Variants in BMAL1 observed in about 807,000 individuals in gnomAD.
BMAL1 encodes the protein basic helix-loop-helix ARNT-like protein 1.
the BMAL1 span, among the ~76,000 whole-genome samples, chr11:13,289,051 C>T: frequency 6.6e-6 from 1 of 152,190 alleles, no homozygotes; most frequent in Non-Finnish European, 1.5e-5. Flanking sequence ...ACCATATAGC[C>T]AAAGCAAATC....
At chr11:13,358,425 G>T in the BMAL1 span, 2 of 1,537,720 alleles carry the variant, frequency 1.3e-6, no homozygotes, top group Non-Finnish European at 1.8e-6. Context: ...TTTTCATATT[G>T]TTGTTCAGGG....
the BMAL1 span, among the ~76,000 whole-genome samples, chr11:13,304,512 C>T: frequency 1.3e-5 from 2 of 152,196 alleles, no homozygotes; most frequent in African/African-American, 2.4e-5. Flanking sequence ...CCTCCATAAC[C>T]TCTTTCACTC....
the BMAL1 span, among the ~76,000 whole-genome samples, chr11:13,367,846 A>T: frequency 6.6e-6 from 1 of 152,038 alleles, no homozygotes; most frequent in South Asian, 2.1e-4. Flanking sequence ...ATGGAAGAGT[A>T]CCTATTTCTT....
the BMAL1 span, among the ~76,000 whole-genome samples, chr11:13,303,140 G>A: frequency 6.6e-6 from 1 of 152,174 alleles, no homozygotes; most frequent in Non-Finnish European, 1.5e-5. Flanking sequence ...GAGCCTTCAA[G>A]GGATAGAGTA....
chr11:13,298,978 G>A, the BMAL1 span, among the ~76,000 whole-genome samples: 83,084 of 151,980 alleles, frequency 0.55, 26,355 homozygotes, highest in Non-Finnish European at 0.7. Context: ...TGTATCTCAG[G>A]CGGTCTGCGC....
the BMAL1 span, among the ~76,000 whole-genome samples, chr11:13,367,288 C>A: frequency 6.6e-6 from 1 of 152,244 alleles, no homozygotes; most frequent in Non-Finnish European, 1.5e-5. Context: ...CCACCATCCA[C>A]ATCGCTCCCT....
the BMAL1 span, among the ~76,000 whole-genome samples, chr11:13,277,477 G>A: frequency 0.028 from 4,236 of 152,192 alleles, 80 homozygotes; most frequent in Non-Finnish European, 0.047. Context: ...CGGGGCGTGC[G>A]CTCCTGTGCG....
the BMAL1 span, among the ~76,000 whole-genome samples, chr11:13,349,789 T>C: frequency 6.6e-6 from 1 of 152,152 alleles, no homozygotes; most frequent in East Asian, 1.9e-4. Flanking sequence ...GGGTGGTGAG[T>C]GCCGGTAGAG....
At chr11:13,370,055 A>C in the BMAL1 span, among the ~76,000 whole-genome samples, 1 of 152,252 alleles carries the variant, frequency 6.6e-6, no homozygotes, top group Non-Finnish European at 1.5e-5. Flanking sequence ...TAACTGCCTT[A>C]TGAACAGCCA....
chr11:13,323,950 G>T, the BMAL1 span, among the ~76,000 whole-genome samples: 3 of 152,162 alleles, frequency 2.0e-5, no homozygotes, highest in African/African-American at 4.8e-5. Context: ...CATAATAATT[G>T]TACATATTTA....
chr11:13,284,176 ATGTGTATATATATATATGTGTG>A, the BMAL1 span, among the ~76,000 whole-genome samples: 5 of 23,272 alleles, frequency 2.1e-4, no homozygotes, highest in Admixed American at 4.3e-4. Flanking sequence ...ATATATATAT[ATGTGTATATATATATATGTGTG>A]TATATATATA....
At chr11:13,363,161 T>TATAC in the BMAL1 span, among the ~76,000 whole-genome samples, 2 of 119,590 alleles carry the variant, frequency 1.7e-5, no homozygotes, top group Admixed American at 1.8e-4. Flanking sequence ...TATATATATA[T>TATAC]ATATATGTAA....
the BMAL1 span, among the ~76,000 whole-genome samples, chr11:13,339,456 CAT>C: frequency 1.4e-3 from 217 of 151,968 alleles, no homozygotes; most frequent in Admixed American, 3.9e-3. Flanking sequence ...CACACACACA[CAT>C]GGTATCTTCT....
the BMAL1 span, among the ~76,000 whole-genome samples, chr11:13,314,900 G>T: frequency 6.6e-6 from 1 of 152,140 alleles, no homozygotes; most frequent in East Asian, 1.9e-4. Context: ...GACCCCAGGG[G>T]TCCCAAGTCA....
chr11:13,372,053 A>ATTTTTTTT, the BMAL1 span: 12 of 1,423,504 alleles, frequency 8.4e-6, no homozygotes, highest in South Asian at 2.7e-5. Context: ...TGAAGCCTTG[A>ATTTTTTTT]TTTTTTTTTA....
chr11:13,355,157 T>A, the BMAL1 span: 4 of 1,421,624 alleles, frequency 2.8e-6, no homozygotes, highest in African/African-American at 2.8e-5. Context: ...TAAGAGGTTT[T>A]CTTTTGTTTA....
the BMAL1 span, among the ~76,000 whole-genome samples, chr11:13,343,964 G>T: frequency 1.3e-5 from 2 of 152,086 alleles, no homozygotes; most frequent in South Asian, 2.1e-4. Flanking sequence ...TTAATTTGGG[G>T]ATCCACAAGC....
At chr11:13,278,490 G>C in the BMAL1 span, among the ~76,000 whole-genome samples, 1 of 152,210 alleles carries the variant, frequency 6.6e-6, no homozygotes, top group Non-Finnish European at 1.5e-5. Flanking sequence ...AGCCCGCGAG[G>C]CTGGGTGGGG....
the BMAL1 span, chr11:13,381,003 C>T: frequency 1.7e-6 from 1 of 605,266 alleles, no homozygotes; most frequent in East Asian, 2.8e-5. Flanking sequence ...TGTGACAAGA[C>T]ACCATATGGC....
Sources: allele counts gnomAD v4.1 joint callset (sites outside exome capture counted in the v4.1 genomes callset), GRCh38; gene constraint gnomAD v4.1.1; transcripts MANE v1.5; gene names NCBI Gene and HGNC (gene_info 2026-07-23, HGNC 2026-07-21).